The following PDYN variants were observed in gnomAD, a reference collection of about 807,000 sequenced individuals.
PDYN encodes proenkephalin-B.
PDYN carries 5 observed loss-of-function variants against 11.4 expected under a neutral mutation model. That is an observed-to-expected ratio of 0.44 (90% confidence interval 0.23 to 0.92). PDYN has a LOEUF of 0.92. Among genes scored for constraint, PDYN ranks in the 40% least tolerant of loss-of-function variants. PDYN has a pLI of 0.24. For missense variants in PDYN, 337 were observed against 317.3 expected (o/e 1.06, Z -0.47); for synonymous variants, 132 against 129.5 (o/e 1.02, Z -0.13).
intron 3 of PDYN, among the ~76,000 whole-genome samples, chr20:1,981,525 G>A (rs1033996340): frequency 1.6e-4 from 24 of 152,146 alleles, no homozygotes; most frequent in African/African-American, 3.4e-4. Flanking sequence ...AACCCAGGCC[G>A]TCCAGTGCCA....
intron 1 of PDYN, among the ~76,000 whole-genome samples, chr20:1,993,510 G>A (rs1187117776): frequency 6.6e-6 from 1 of 152,218 alleles, no homozygotes; most frequent in Admixed American, 6.5e-5. Context: ...TCTAAGTCCA[G>A]TGAGACTCAT....
rs1201149712 is a variant in PDYN at position 1,980,023 on chromosome 20, A to G, written c.*300T>C. 6.4e-6 allele frequency: 3 copies of G among 466,440 alleles called. No individual in the cohort carries two copies. The highest frequency in any genetic ancestry group is 1.2e-5 in the Non-Finnish European group (3 of 252,764). 28.9% of individuals were successfully genotyped at this position (466,440 alleles called of 1,614,324 possible). ...TTGAGGAGTCACGTGAACAGGTTGG[A>G]AGGACAGATCACAAACTGCTGCTGC... On this transcript the variant is annotated 3_prime_UTR_variant, in exon 4 of 4. Transcript: ENST00000217305.
chr20:1,990,761 A>G (rs911182059), intron 2 of PDYN, among the ~76,000 whole-genome samples: 4 of 152,130 alleles, frequency 2.6e-5, no homozygotes, highest in Non-Finnish European at 5.9e-5. Flanking sequence ...AGAAAGGCAA[A>G]AAGAGGATAA....
At chr20:1,984,907 AAAG>A (rs1344873336) in intron 2 of PDYN, among the ~76,000 whole-genome samples, 4 of 152,246 alleles carry the variant, frequency 2.6e-5, no homozygotes, top group East Asian at 1.9e-4. Context: ...TCAAAAAAAA[AAAG>A]TTGTCTGTTT....
rs571020671 is a variant in PDYN at position 1,982,287 on chromosome 20, T to G, written c.129+669A>C. ...AATAAATAAATAATTAAATAACTTCTTTCACTATCTCATGGAATCACCTCC... is the reference window on the plus strand; with the variant it reads ...AATAAATAAATAATTAAATAACTTCGTTCACTATCTCATGGAATCACCTCC... On this transcript the variant is annotated intron_variant, in intron 3 of 3. Coordinates refer to ENST00000217305, the MANE Select transcript of PDYN (RefSeq NM_024411.5). Among the ~76,000 whole-genome samples, 12 of 152,258 alleles carry G rather than the reference T, an allele frequency of 7.9e-5. 1 individual carries two copies. In the South Asian group the frequency reaches 2.5e-3, roughly 32 times the overall value.
intron 3 of PDYN, among the ~76,000 whole-genome samples, chr20:1,981,818 C>T (rs532233268): frequency 1.4e-3 from 210 of 151,790 alleles, no homozygotes; most frequent in Non-Finnish European, 2.0e-3. Context: ...CTCAGCTACT[C>T]GGGAGGCTGA....
At chr20:1,982,332 C>T (rs776203232) in intron 3 of PDYN, among the ~76,000 whole-genome samples, 47 of 152,104 alleles carry the variant, frequency 3.1e-4, no homozygotes, top group Non-Finnish European at 3.5e-4. Context: ...ATGAAGAAAC[C>T]GAGGCTTAGA....
At chr20:1,991,670 A>G (rs1040284747) in intron 2 of PDYN, among the ~76,000 whole-genome samples, 2 of 152,232 alleles carry the variant, frequency 1.3e-5, no homozygotes, top group South Asian at 2.1e-4. Context: ...ACAGTGAGAG[A>G]AATCAGCTGT....
chr20:1,982,092 A>G (rs564692652), intron 3 of PDYN, among the ~76,000 whole-genome samples: 93 of 151,644 alleles, frequency 6.1e-4, no homozygotes, highest in African/African-American at 2.0e-3. Context: ...CCCCGTCTCT[A>G]CTAAAAATAC....
intron 2 of PDYN, among the ~76,000 whole-genome samples, chr20:1,991,253 G>A (rs1294099622): frequency 1.3e-4 from 20 of 152,140 alleles, no homozygotes; most frequent in Admixed American, 1.0e-3. Context: ...AAATCAAATC[G>A]TCCAGGAATA....
rs1987713885 is a variant in PDYN at position 1,980,766 on chromosome 20, T to C, written c.322A>G (p.Lys108Glu). 3 of 1,614,052 alleles carry C rather than the reference T, an allele frequency of 1.9e-6. No individual in the cohort carries two copies. Among genetic ancestry groups the C allele is most frequent in the Admixed American group, 3.3e-5 (2 of 60,004 alleles). ...LSGSFLKELE[K>E]SKFLPSISTK... The stretch of plus-strand genomic sequence containing the variant: ...GAGATACTTGGGAGAAACTTGCTTT[T>C]CTCCAGCTCCTTCAGGAATGACCCA... The change falls in exon 4 of 4, where the codon AAA (lysine) becomes GAA (glutamate). Residue 108 changes from lysine to glutamate, a missense_variant. By Grantham distance (56) the Lys-to-Glu change is moderately conservative. Coordinates refer to ENST00000217305, the MANE Select transcript of PDYN (RefSeq NM_024411.5).
At position 1,980,859 on chromosome 20, in the gene PDYN, T is replaced by C; in HGVS notation, c.229A>G (p.Asn77Asp). Residue 77 changes from asparagine (N) to aspartate (D), a missense_variant, in exon 4 of 4, where the codon AAT becomes GAT. By Grantham distance (23) the Asn-to-Asp change is conservative. Coordinates refer to ENST00000217305, the MANE Select transcript of PDYN (RefSeq NM_024411.5). ...SFFTPSTLGLNDKEDLGSKSV... is the reference protein window; with the variant it reads ...SFFTPSTLGLDDKEDLGSKSV... The stretch of plus-strand genomic sequence containing the variant: ...TTGCTCCCCAAGTCCTCCTTGTCAT[T>C]GAGCCCAAGGGTGGAGGGGGTGAAA... 6.2e-7 allele frequency: 1 copy of C among 1,614,130 alleles called. No homozygotes were observed. Among genetic ancestry groups the C allele is most frequent in the Non-Finnish European group, 8.5e-7 (1 of 1,180,012 alleles).
In PDYN at chr20:1,979,450, T is replaced by G. The variant is rs1302030516; in HGVS notation, c.*873A>C. 6.6e-6 allele frequency: 1 copy of G among 152,256 alleles called. No individual in the cohort carries two copies. The highest frequency in any genetic ancestry group is 6.5e-5 in the Admixed American group (1 of 15,280). 9.4% of individuals were successfully genotyped at this position (152,256 alleles called of 1,614,324 possible). A position where few individuals can be genotyped will look rare whatever the true frequency, so the allele number is the denominator to read the frequency against. Reference sequence around the variant, plus strand: ...TTAGTTTAATGAGGGCTGAGGGAACTGGTCCACATTTTGAGTTTGTTGCAC... The same window carrying G: ...TTAGTTTAATGAGGGCTGAGGGAACGGGTCCACATTTTGAGTTTGTTGCAC... On this transcript the variant is annotated 3_prime_UTR_variant, in exon 4 of 4. Coordinates refer to ENST00000217305, the MANE Select transcript of PDYN (RefSeq NM_024411.5).
At chr20:1,990,577 G>A (rs1236096994) in intron 2 of PDYN, among the ~76,000 whole-genome samples, 1 of 152,202 alleles carries the variant, frequency 6.6e-6, no homozygotes, top group Non-Finnish European at 1.5e-5. Context: ...TCGGATGAGG[G>A]TCCCGTTTGG....
At chr20:1,990,777 A>G (rs1233483866) in intron 2 of PDYN, among the ~76,000 whole-genome samples, 1 of 152,128 alleles carries the variant, frequency 6.6e-6, no homozygotes, top group African/African-American at 2.4e-5. Flanking sequence ...GATAAGCTAG[A>G]GAGATATGGA....
intron 3 of PDYN, 134 bp downstream of exon 3, chr20:1,982,822 C>T: frequency 3.3e-6 from 3 of 906,646 alleles, no homozygotes; most frequent in Non-Finnish European, 5.3e-6. Context: ...TAGGGCAGGA[C>T]ACCCACCACC....
chr20:1,979,840 T>C lies in PDYN; in HGVS notation c.*483A>G, dbSNP rs932951716. On this transcript the variant is annotated 3_prime_UTR_variant, in exon 4 of 4. Coordinates refer to ENST00000217305, the MANE Select transcript of PDYN (RefSeq NM_024411.5). The stretch of plus-strand genomic sequence containing the variant: ...ATGTTAGGATTTCTGTGTATGATTA[T>C]TTACCTTCTTTTAAAGTTCTACTCT... The C allele has an allele frequency of 5.7e-6, 1 of 173,996 alleles. No individual in the cohort carries two copies. Among genetic ancestry groups the C allele is most frequent in the African/African-American group, 2.4e-5 (1 of 41,964 alleles). 10.8% of individuals were successfully genotyped at this position (173,996 alleles called of 1,614,324 possible).
At chr20:1,989,324 G>A (rs932258592) in intron 2 of PDYN, among the ~76,000 whole-genome samples, 1 of 152,100 alleles carries the variant, frequency 6.6e-6, no homozygotes, top group East Asian at 1.9e-4. Flanking sequence ...GACCTGGGGA[G>A]GCTTGCCTTG....
chr20:1,984,232 G>T (rs142302045), intron 2 of PDYN, among the ~76,000 whole-genome samples: 60 of 152,230 alleles, frequency 3.9e-4, no homozygotes, highest in African/African-American at 1.3e-3. Flanking sequence ...CTGTTCTTCT[G>T]CCTGCAGTAT....
Sources: gnomAD v4.1 joint callset for allele counts (sites outside exome capture counted in the v4.1 genomes callset) on GRCh38, gnomAD v4.1.1 for gene constraint, MANE v1.5 for transcripts, NCBI Gene and HGNC (gene_info 2026-07-23, HGNC 2026-07-21) for gene names.